CDC42BPG: variants seen among roughly 807,000 people sequenced by gnomAD.
The protein encoded by CDC42BPG is CDC42 binding protein kinase gamma.
A neutral mutation model predicts 192.2 loss-of-function variants in CDC42BPG; 157 were observed. The observed-to-expected ratio is 0.82, with a 90% CI of 0.72 to 0.93. The LOEUF (loss-of-function observed/expected upper bound fraction) is 0.93, where lower values mean the gene tolerates loss of function less well. CDC42BPG is among the 40% of genes least tolerant of loss of function. The pLI is 0.00. For synonymous variants in CDC42BPG, 981 were observed against 918.5 expected, an observed-to-expected ratio of 1.07 and a Z score of -1.23; for missense variants, 1,992 against 2,122.1, an observed-to-expected ratio of 0.94 and a Z score of 1.20.
rs369524092 is a variant in CDC42BPG, at chr11:64,835,113, C to T, written c.1994G>A (p.Arg665Gln). The T allele has an allele frequency of 5.9e-5, 95 of 1,602,158 alleles. No homozygotes were observed. Among genetic ancestry groups the T allele is most frequent in the African/African-American group, 5.3e-5 (4 of 74,840 alleles). The stretch of plus-strand genomic sequence containing the variant: ...CGTCTCCCGCCGCTCACCCTCCAGC[C>T]GCTGCTTGCTCTCCTGCTCCTGGGC... Reference protein sequence around the residue: ...ELAQEQESKQRLEGERRETES... With the variant: ...ELAQEQESKQQLEGERRETES... Residue 665 changes from arginine (R) to glutamine (Q), a missense_variant, in exon 17 of 37, where the codon CGG (arginine) becomes CAG (glutamine). Arg to Gln is a conservative substitution (Grantham distance 43). Around this residue, in one of 2 missense-constraint regions of CDC42BPG, gnomAD observed 1,656 missense variants for 1,844.3 expected, o/e 0.90. Coordinates refer to ENST00000342711, the MANE Select transcript of CDC42BPG (RefSeq NM_017525.3).
intron 11 of CDC42BPG, 91 bp from the exon 12 acceptor site, chr11:64,836,621 G>T: frequency 2.3e-6 from 3 of 1,318,938 alleles, no homozygotes; most frequent in Non-Finnish European, 3.2e-6. Context: ...CCCACACGCG[G>T]GCTCAGAGAG....
At position 64,823,415 on chromosome 11, in the gene CDC42BPG, C is replaced by G. The variant is rs1024721671; in HGVS notation, c.*1058G>C. On this transcript the variant is annotated 3_prime_UTR_variant, in exon 37 of 37. Transcript: ENST00000342711. ...TATTGGTTTCTTGCGCCTCACAGAG[C>G]ATCAGGGTCTGTCCCTCCTGGGAAT... 5.9e-5 allele frequency: 9 copies of G among 152,154 alleles called. No individual in the cohort carries two copies. The highest frequency in any genetic ancestry group is 5.2e-4 in the Admixed American group (8 of 15,270). The allele number at this position is 152,154 out of a possible 1,614,324, so 9.4% of individuals were successfully genotyped here. A position where few individuals can be genotyped will look rare whatever the true frequency, so the allele number is the denominator to read the frequency against.
Position 64,832,604 on chromosome 11 carries a change from CT to C in CDC42BPG, c.3004del (p.Arg1002GlyfsTer29). 1 of 1,614,006 alleles carries C rather than the reference CT, an allele frequency of 6.2e-7. No individual in the cohort carries two copies. The highest frequency in any genetic ancestry group is 1.1e-5 in the South Asian group (1 of 91,082). On this transcript the variant is annotated frameshift_variant and splice_region_variant, in exon 26 of 37. Transcript: ENST00000342711. LOFTEE classifies it high-confidence loss of function. Reference protein sequence around the residue: ...SGALLQVLDLRDPQFSATPVL... With the variant: ...SGALLQVLDLXDPQFSATPVL... The stretch of plus-strand genomic sequence containing the variant: ...CCCCATGCCACTGCCCGGCACCTAC[CT>C]CAGATCTAGGACCTGCAGGAGGGCC...
chr11:64,833,917 G>C lies in CDC42BPG; in HGVS notation c.2466+8C>G. ...TCTCCCCAACAAGCCCCTTGGCCTG[G>C]TCCTTACCTCTGAGCTCCGGAAGGA... On this transcript the variant is annotated splice_region_variant and intron_variant, in intron 21 of 36. Transcript: ENST00000342711. The C allele has an allele frequency of 6.2e-7, 1 of 1,614,208 alleles. No individual in the cohort carries two copies. Among genetic ancestry groups the C allele is most frequent in the Non-Finnish European group, 8.5e-7 (1 of 1,180,026 alleles).
At position 64,829,703 on chromosome 11, in the gene CDC42BPG, G is replaced by A. The variant is rs1200961800; in HGVS notation, c.3735C>T (p.Gly1245=). The A allele has an allele frequency of 6.2e-7, 1 of 1,610,686 alleles. No homozygotes were observed. The highest frequency in any genetic ancestry group is 8.5e-7 in the Non-Finnish European group (1 of 1,179,146). ...CGTTGAGCAGCGGGTAGAGTGCAAA[G>A]CCACCGGCGGCGCCCACACATAGCC... The part of the protein sequence containing the change: ...GDRLCVGAAG[G]FALYPLLNEA... The change falls in exon 30 of 37, where the codon GGC becomes GGT. Residue 1245 remains glycine (G), a synonymous_variant. Transcript: ENST00000342711.
rs1246884872 is a variant in CDC42BPG, at chr11:64,838,091, G to A, written c.1197C>T (p.Thr399=). ...HHLPFVGFTY[T]SGSHSPESSS... ...GTGAGGACTAGCCTCACCTGCCTGA[G>A]GTGTAGGTGAAGCCCACGAATGGCA... The change falls in exon 9 of 37, where the codon ACC becomes ACT. Residue 399 remains threonine, a synonymous_variant. Coordinates refer to ENST00000342711, the MANE Select transcript of CDC42BPG (RefSeq NM_017525.3). The A allele has an allele frequency of 1.3e-6, 2 of 1,551,104 alleles. No homozygotes were observed. Among genetic ancestry groups the A allele is most frequent in the South Asian group, 1.2e-5 (1 of 84,074 alleles).
At position 64,832,639 on chromosome 11, in the gene CDC42BPG, C is replaced by A; in HGVS notation, c.2970G>T (p.Pro990=). The A allele has an allele frequency of 6.2e-7, 1 of 1,613,772 alleles. No individual in the cohort carries two copies. The highest frequency in any genetic ancestry group is 8.5e-7 in the Non-Finnish European group (1 of 1,179,998). Residue 990 remains proline (P), a synonymous_variant, in exon 26 of 37, where the codon CCG becomes CCT. Transcript: ENST00000342711. Reference sequence around the variant, plus strand: ...GGACCTGCAGGAGGGCCCCACTGGGCGGGCTGAGCCTCAGGTCAGGGGCGT... The same window carrying A: ...GGACCTGCAGGAGGGCCCCACTGGGAGGGCTGAGCCTCAGGTCAGGGGCGT... ...LFDAPDLRLS[P]PSGALLQVLD... is the part of the protein sequence containing the mutation.
intron 32 of CDC42BPG, 36 bp from the exon 33 acceptor site, chr11:64,827,434 C>A (rs912295927): frequency 6.2e-7 from 1 of 1,606,746 alleles, no homozygotes; most frequent in Admixed American, 1.7e-5. Flanking sequence ...TGTGCTCACA[C>A]ATTCCCGGGG....
Position 64,836,922 on chromosome 11 carries a change from C to T in CDC42BPG, c.1303G>A (p.Glu435Lys), listed in dbSNP as rs533741995. The change falls in exon 10 of 37, where the codon GAG becomes AAG. Residue 435 changes from glutamate (E) to lysine (K), a missense_variant and splice_region_variant. Physicochemically the swap from Glu to Lys is moderately conservative, Grantham distance 56. Coordinates refer to ENST00000342711, the MANE Select transcript of CDC42BPG (RefSeq NM_017525.3). ...EKVELSRKHQEALHAPTDHRE... is the reference protein window; with the variant it reads ...EKVELSRKHQKALHAPTDHRE... ...GGCCCGGCCCAGCCGCTCCCAGTACCTTGGTGCTTCCTGCTCAGCTCCACC... is the reference window on the plus strand; with the variant it reads ...GGCCCGGCCCAGCCGCTCCCAGTACTTTGGTGCTTCCTGCTCAGCTCCACC... 1 of 1,613,408 alleles carries T rather than the reference C, an allele frequency of 6.2e-7. No individual in the cohort carries two copies. Among genetic ancestry groups the T allele is most frequent in the African/African-American group, 1.3e-5 (1 of 75,044 alleles).
chr11:64,826,883 C>T, intron 34 of CDC42BPG, 89 bp from the exon 35 acceptor site: 3 of 1,359,924 alleles, frequency 2.2e-6, no homozygotes, highest in Admixed American at 2.6e-5. Flanking sequence ...CAAATGAACG[C>T]CACTGGGCCC....
chr11:64,840,312 C>G (rs1244683553), intron 4 of CDC42BPG, 44 bp from the exon 5 acceptor site: 1 of 1,596,924 alleles, frequency 6.3e-7, no homozygotes, highest in Non-Finnish European at 8.5e-7. Context: ...AAGGGTGCAC[C>G]TGGCCACTTC....
At position 64,836,926 on chromosome 11, in the gene CDC42BPG, G is replaced by A. The variant is rs1224367900; in HGVS notation, c.1299C>T (p.His433=). 6.2e-7 allele frequency: 1 copy of A among 1,613,416 alleles called. No individual in the cohort carries two copies. The highest frequency in any genetic ancestry group is 2.2e-5 in the East Asian group (1 of 44,876). The change falls in exon 10 of 37, where the codon CAC becomes CAT. Residue 433 remains histidine, a synonymous_variant. Transcript: ENST00000342711. ...EQEKVELSRK[H]QEALHAPTDH... ...CGGCCCAGCCGCTCCCAGTACCTTG[G>A]TGCTTCCTGCTCAGCTCCACCTTCT...
intron 1 of CDC42BPG, among the ~76,000 whole-genome samples, chr11:64,842,674 C>T (rs1359536059): frequency 1.3e-5 from 2 of 152,208 alleles, no homozygotes; most frequent in Non-Finnish European, 1.5e-5. Flanking sequence ...TGGTCAAGAA[C>T]GTCCTCTTTC....
rs374630588 is a variant in CDC42BPG at position 64,827,067 on chromosome 11, C to T, written c.4372G>A (p.Ala1458Thr). 2 of 1,611,556 alleles carry T rather than the reference C, an allele frequency of 1.2e-6. No individual in the cohort carries two copies. The highest frequency in any genetic ancestry group is 1.1e-5 in the South Asian group (1 of 91,042). Reference sequence around the variant, plus strand: ...GGACTAACCGGGGACTTGTCCCTGGCGCCGGGCCGCCCGTTGGCAGGGCCC... The same window carrying T: ...GGACTAACCGGGGACTTGTCCCTGGTGCCGGGCCGCCCGTTGGCAGGGCCC... ...HVGPANGRPG[A>T]RDKSPAPEEK... Residue 1458 changes from alanine (A) to threonine (T), a missense_variant, in exon 34 of 37, where the codon GCC (alanine) becomes ACC (threonine). Around this residue, in one of 2 missense-constraint regions of CDC42BPG, gnomAD observed 336 missense variants for 277.9 expected, o/e 1.21. Transcript: ENST00000342711.
intron 1 of CDC42BPG, among the ~76,000 whole-genome samples, chr11:64,844,082 G>T (rs1943397601): frequency 6.6e-6 from 1 of 152,174 alleles, no homozygotes; most frequent in African/African-American, 2.4e-5. Flanking sequence ...GTCAGGTGTG[G>T]CCTGTAAGCA....
Position 64,827,370 on chromosome 11 carries a change from G to C in CDC42BPG, c.4179C>G (p.Leu1393=), listed in dbSNP as rs752283116. 1.9e-6 allele frequency: 3 copies of C among 1,613,934 alleles called. 1 individual carries two copies. In the South Asian group the frequency reaches 3.3e-5, roughly 18 times the overall value. The change falls in exon 33 of 37, where the codon CTC becomes CTG. Residue 1393 remains leucine (L), a synonymous_variant. Transcript: ENST00000342711. ...ACAGCTGGCGCCGGCTGTTGTCGGT[G>C]AGGTCCGGGATGTCGAACTCGTCCT... ...AEKDEFDIPD[L]TDNSRRQLFR... is the part of the protein sequence containing the mutation.
rs775039518 is a variant in CDC42BPG at position 64,827,354 on chromosome 11, G to A, written c.4195C>T (p.Arg1399Cys). 1 of 1,614,102 alleles carries A rather than the reference G, an allele frequency of 6.2e-7. No individual in the cohort carries two copies. Among genetic ancestry groups the A allele is most frequent in the South Asian group, 1.1e-5 (1 of 91,080 alleles). ...DIPDLTDNSRRQLFRTKSKRR... is the reference protein window; with the variant it reads ...DIPDLTDNSRCQLFRTKSKRR... ...TTGCTCTTGGTGCGGAACAGCTGGCGCCGGCTGTTGTCGGTGAGGTCCGGG... is the reference window on the plus strand; with the variant it reads ...TTGCTCTTGGTGCGGAACAGCTGGCACCGGCTGTTGTCGGTGAGGTCCGGG... Residue 1399 changes from arginine to cysteine, a missense_variant, in exon 33 of 37, where the codon CGC becomes TGC. By Grantham distance (180) the Arg-to-Cys change is radical (BLOSUM62 -3). Transcript: ENST00000342711.
rs1335783482 is a variant in CDC42BPG at position 64,836,187 on chromosome 11, T to C, written c.1598A>G (p.Glu533Gly). The change falls in exon 13 of 37, where the codon GAG becomes GGG. Residue 533 changes from glutamate to glycine, a missense_variant. Coordinates refer to ENST00000342711, the MANE Select transcript of CDC42BPG (RefSeq NM_017525.3). ...LQRLQEAQER[E>G]AATASQTRAL... ...CCGGGTCTGGCTAGCTGTGGCCGCC[T>C]CTCTCTCCTGGGCCTCCTGTAGCCT... is the stretch of plus-strand genomic sequence containing the variant. The C allele has an allele frequency of 2.5e-6, 4 of 1,596,564 alleles. No homozygotes were observed. Among genetic ancestry groups the C allele is most frequent in the Non-Finnish European group, 3.4e-6 (4 of 1,173,490 alleles).
chr11:64,826,395 TGTGC>T, intron 36 of CDC42BPG, 71 bp downstream of exon 36: 2 of 1,010,062 alleles, frequency 2.0e-6, no homozygotes, highest in Non-Finnish European at 3.1e-6. Context: ...CCTAGGTCAC[TGTGC>T]AAGGCCTAGC....
Sources: allele counts gnomAD v4.1 joint callset (sites outside exome capture counted in the v4.1 genomes callset), GRCh38; gene constraint gnomAD v4.1.1; regional missense constraint gnomAD v4.1.1; transcripts MANE v1.5; gene names NCBI Gene and HGNC (gene_info 2026-07-23, HGNC 2026-07-21).